The following CCDC141 variants were observed in gnomAD, a reference collection of about 807,000 sequenced individuals.
CCDC141 encodes coiled-coil domain-containing protein 141.
Under a neutral mutation model 181.0 loss-of-function variants are expected in CCDC141, and 168 were observed. The observed-to-expected ratio is 0.93, with a 90% confidence interval of 0.82 to 1.05. The LOEUF (loss-of-function observed/expected upper bound fraction) is 1.05, where lower values mean the gene tolerates loss of function less well. CCDC141 is among the 50% of genes least tolerant of loss of function. The probability of loss-of-function intolerance (pLI) is 0.00; values close to 1 mark genes in which losing one functional copy is unlikely to be tolerated. For missense variants in CCDC141, 1,902 were observed against 1,788.5 expected, an observed-to-expected ratio of 1.06 and a Z score of -1.14; for synonymous variants, 666 against 642.3, an observed-to-expected ratio of 1.04 and a Z score of -0.56.
chr2:178,963,937 A>C (rs1690512053), intron 4 of CCDC141, among the ~76,000 whole-genome samples: 1 of 152,216 alleles, frequency 6.6e-6, no homozygotes, highest in Admixed American at 6.5e-5. Context: ...ATAGCGTAAG[A>C]AAAGTCAGGG....
intron 19 of CCDC141, 92 bp from the exon 20 acceptor site, chr2:178,853,716 C>T (rs1377918141): frequency 9.4e-7 from 1 of 1,067,854 alleles, no homozygotes; most frequent in Non-Finnish European, 1.3e-6. Context: ...TTTTAATTCC[C>T]TCAACTTAAT....
At chr2:178,905,069 C>A (rs190971826) in intron 8 of CCDC141, among the ~76,000 whole-genome samples, 1 of 152,290 alleles carries the variant, frequency 6.6e-6, no homozygotes, top group Non-Finnish European at 1.5e-5. Context: ...TGTCCATTCC[C>A]TTTCCCCTCC....
At chr2:178,980,254 C>G (rs1011995281) in intron 2 of CCDC141, among the ~76,000 whole-genome samples, 2 of 152,048 alleles carry the variant, frequency 1.3e-5, no homozygotes, top group African/African-American at 4.8e-5. Flanking sequence ...TGGAGACCAT[C>G]CTGGCTAACA....
intron 6 of CCDC141, among the ~76,000 whole-genome samples, chr2:178,920,804 A>T (rs1457690284): frequency 1.3e-5 from 2 of 152,176 alleles, no homozygotes; most frequent in Admixed American, 6.5e-5. Context: ...TGTGGTGTCC[A>T]TGGAAACTGT....
chr2:178,941,958 CAAAAAAAAAAAAAAAAAAAAAAAAAAAA>C (rs66903231), intron 6 of CCDC141, among the ~76,000 whole-genome samples: 4 of 71,478 alleles, frequency 5.6e-5, no homozygotes, highest in African/African-American at 2.5e-4. Context: ...GATCCCATCT[CAAAAAAAAAAAAAAAAAAAAAAAAAAAA>C]AAAAAAAAAA....
At chr2:178,880,741 A>C (rs963700993) in intron 11 of CCDC141, among the ~76,000 whole-genome samples, 9 of 152,220 alleles carry the variant, frequency 5.9e-5, no homozygotes, top group African/African-American at 2.2e-4. Context: ...ATAAGAATTA[A>C]ATAAAATCAG....
chr2:179,043,115 A>G (rs1033350565), intron 2 of CCDC141, among the ~76,000 whole-genome samples: 5 of 152,150 alleles, frequency 3.3e-5, no homozygotes, highest in African/African-American at 1.2e-4. Context: ...TAAACTAGAA[A>G]ATCTAGAAAA....
At chr2:178,893,342 G>A (rs1279446788) in intron 8 of CCDC141, among the ~76,000 whole-genome samples, 13 of 152,068 alleles carry the variant, frequency 8.5e-5, no homozygotes, top group Admixed American at 7.9e-4. Flanking sequence ...GGGGCTGGAG[G>A]AGGGAAGCAA....
At chr2:179,011,213 T>A (rs115049547) in intron 2 of CCDC141, among the ~76,000 whole-genome samples, 5,095 of 151,182 alleles carry the variant, frequency 0.034, 100 homozygotes, top group South Asian at 0.059. Context: ...CAACCAACTA[T>A]CTGCTGCCTT....
intron 8 of CCDC141, among the ~76,000 whole-genome samples, chr2:178,903,786 A>C (rs1261629476): frequency 6.6e-6 from 1 of 151,970 alleles, no homozygotes; most frequent in East Asian, 1.9e-4. Context: ...AAAAAAAAAA[A>C]GAAAGGAACC....
intron 6 of CCDC141, among the ~76,000 whole-genome samples, chr2:178,930,425 C>T (rs563965244): frequency 6.6e-4 from 100 of 152,190 alleles, no homozygotes; most frequent in African/African-American, 2.3e-3. Context: ...CAGAATCTCA[C>T]TGGCCTTTTT....
intron 8 of CCDC141, among the ~76,000 whole-genome samples, chr2:178,903,711 C>A (rs1316830572): frequency 6.6e-6 from 1 of 150,968 alleles, no homozygotes; most frequent in African/African-American, 2.4e-5. Flanking sequence ...ACATATGTAA[C>A]TAACCTGCAC....
At chr2:178,892,539 G>A (rs1687206005) in intron 8 of CCDC141, among the ~76,000 whole-genome samples, 1 of 152,054 alleles carries the variant, frequency 6.6e-6, no homozygotes, top group Non-Finnish European at 1.5e-5. Context: ...TAATCTGCGG[G>A]TTACATTCAG....
chr2:178,877,678 G>C (rs924979351), intron 12 of CCDC141: 4 of 427,802 alleles, frequency 9.4e-6, no homozygotes, highest in Admixed American at 4.4e-5. Context: ...CAGAACTTTT[G>C]GGTGGACTTC....
chr2:178,868,386 C>T (rs1685948824), intron 15 of CCDC141, among the ~76,000 whole-genome samples, 181 bp from the exon 16 acceptor site: 1 of 152,150 alleles, frequency 6.6e-6, no homozygotes, highest in African/African-American at 2.4e-5. Flanking sequence ...TAAAATTGAA[C>T]TGCTAACGTT....
chr2:178,954,440 C>T (rs1690076728), intron 5 of CCDC141, among the ~76,000 whole-genome samples: 2 of 152,168 alleles, frequency 1.3e-5, no homozygotes, highest in Admixed American at 1.3e-4. Context: ...GCTATCACAT[C>T]CCACTTAAGA....
the CCDC141 span, among the ~76,000 whole-genome samples, chr2:178,815,609 C>T: frequency 6.6e-6 from 1 of 152,126 alleles, no homozygotes; most frequent in Non-Finnish European, 1.5e-5. Flanking sequence ...GACCCCCTAA[C>T]CCCCAGCGGA....
chr2:178,840,561 G>C (rs1430262449), intron 22 of CCDC141, among the ~76,000 whole-genome samples: 1 of 152,246 alleles, frequency 6.6e-6, no homozygotes, highest in South Asian at 2.1e-4. Flanking sequence ...CTCACTTTTG[G>C]ATTTGCCTTT....
At chr2:179,015,080 A>ATAT (rs1465826590) in intron 2 of CCDC141, among the ~76,000 whole-genome samples, 2 of 37,308 alleles carry the variant, frequency 5.4e-5, no homozygotes, top group African/African-American at 8.4e-5. Flanking sequence ...ATATATATAT[A>ATAT]TATATATATA....
Sources: allele counts gnomAD v4.1 joint callset (sites outside exome capture counted in the v4.1 genomes callset), GRCh38; gene constraint gnomAD v4.1.1; transcripts MANE v1.5; gene names NCBI Gene and HGNC (gene_info 2026-07-23, HGNC 2026-07-21).